NF1: variants seen among roughly 807,000 people sequenced by gnomAD.
The protein encoded by NF1 is neurofibromin 1.
In NF1, 122 loss-of-function variants were observed where a neutral mutation model predicts 325.7. The ratio of observed to expected loss-of-function variants is 0.37; its 90% CI spans 0.32 to 0.44. NF1 has a LOEUF of 0.44. NF1 is among the 20% of genes least tolerant of loss of function. NF1 has a pLI of 1.00. For missense variants in NF1, 2,140 were observed against 3,415.4 expected, an observed-to-expected ratio of 0.63 and a Z score of 9.31; for synonymous variants, 1,091 against 1,186.0, an observed-to-expected ratio of 0.92 and a Z score of 1.65.
At chr17:31,213,915 C>G (rs2066774172) in intron 12 of NF1, among the ~76,000 whole-genome samples, 1 of 152,116 alleles carries the variant, frequency 6.6e-6, no homozygotes, top group Non-Finnish European at 1.5e-5. Context: ...TTTTACTCTT[C>G]TCTAAAATTG....
At chr17:31,290,551 T>C (rs922415069) in intron 36 of NF1, among the ~76,000 whole-genome samples, 2 of 152,238 alleles carry the variant, frequency 1.3e-5, no homozygotes, top group African/African-American at 2.4e-5. Context: ...CCTAATTTGC[T>C]GAAGTGACAC....
At chr17:31,363,353 T>C (rs569122184) in intron 57 of NF1, among the ~76,000 whole-genome samples, 1 of 152,220 alleles carries the variant, frequency 6.6e-6, no homozygotes, top group East Asian at 1.9e-4. Flanking sequence ...TAACTCTTAA[T>C]GGTAAGAGTT....
chr17:31,126,874 A>AT (rs1567801433), intron 1 of NF1, among the ~76,000 whole-genome samples: 1 of 152,144 alleles, frequency 6.6e-6, no homozygotes, highest in Non-Finnish European at 1.5e-5. Context: ...ATGTTTTAAA[A>AT]TTTTTTTGTG....
rs60376313 is a variant in NF1, at chr17:31,236,606, AT to A, written c.3974+601del. On this transcript the variant is annotated intron_variant, in intron 29 of 57. Transcript: ENST00000358273. ...AGGTGTGCGCCACCACGCCCAGGTA[AT>A]TTTTTTTTTTTTTTTGTATTTTTAA... is the stretch of plus-strand genomic sequence containing the variant. Among the ~76,000 whole-genome samples the A allele has an allele frequency of 0.12, 16,499 of 138,796 alleles. 2,480 individuals carry two copies. Among genetic ancestry groups the A allele is most frequent in the African/African-American group, 0.37 (14,027 of 37,716 alleles). The allele number at this position is 138,796 out of a possible 152,430, so 91.1% of individuals were successfully genotyped here. A position where few individuals can be genotyped will look rare whatever the true frequency, so the allele number is the denominator to read the frequency against.
chr17:31,147,760 G>T (rs1405558599), intron 1 of NF1, among the ~76,000 whole-genome samples: 1 of 152,188 alleles, frequency 6.6e-6, no homozygotes, highest in Non-Finnish European at 1.5e-5. Context: ...AGCAGATTCT[G>T]AACTCTTTTG....
intron 48 of NF1, among the ~76,000 whole-genome samples, chr17:31,348,242 T>C (rs2070046569): frequency 8.3e-6 from 1 of 120,958 alleles, no homozygotes; most frequent in East Asian, 2.2e-4. Context: ...AAGAGGAAAG[T>C]ATGTGATTTT....
In NF1 at chr17:31,230,163, T is replaced by C. The variant is rs17886161; in HGVS notation, c.2991-97T>C. On this transcript the variant is annotated intron_variant, in intron 22 of 57. Coordinates refer to ENST00000358273, the MANE Select transcript of NF1 (RefSeq NM_001042492.3). ...ATAAATATCTTATTGTTTTCAAACTTACATTTAATTCGTTTTACTTGATGA... is the reference window on the plus strand; with the variant it reads ...ATAAATATCTTATTGTTTTCAAACTCACATTTAATTCGTTTTACTTGATGA... 1.9e-3 allele frequency: 2,817 copies of C among 1,469,618 alleles called. 25 individuals carry two copies. The African/African-American group carries it at 0.024, about 12-fold the overall frequency. The allele number at this position is 1,469,618 out of a possible 1,614,324, so 91.0% of individuals were successfully genotyped here.
chr17:31,277,651 T>A (rs1389798526), intron 36 of NF1, among the ~76,000 whole-genome samples: 1 of 151,940 alleles, frequency 6.6e-6, no homozygotes, highest in African/African-American at 2.4e-5. Context: ...AGCGGAAGAT[T>A]AGGGAGAAGA....
At chr17:31,116,163 G>A (rs2143337069) in intron 1 of NF1, among the ~76,000 whole-genome samples, 1 of 152,216 alleles carries the variant, frequency 6.6e-6, no homozygotes, top group Admixed American at 6.5e-5. Flanking sequence ...TGGGTTGTAT[G>A]GTTGAAAACT....
At chr17:31,167,876 T>C (rs2065870841) in intron 4 of NF1, among the ~76,000 whole-genome samples, 1 of 152,210 alleles carries the variant, frequency 6.6e-6, no homozygotes, top group African/African-American at 2.4e-5. Context: ...GATATTCCTG[T>C]CCTTATAAGC....
chr17:31,099,652 T>A (rs1468314691), intron 1 of NF1, among the ~76,000 whole-genome samples: 1 of 150,794 alleles, frequency 6.6e-6, no homozygotes, highest in Non-Finnish European at 1.5e-5. Context: ...CTCTGCCTCC[T>A]GGGTTCAAGC....
At chr17:31,138,251 T>C (rs1270130394) in intron 1 of NF1, 1 of 152,162 alleles carries the variant, frequency 6.6e-6, no homozygotes, top group Non-Finnish European at 1.5e-5. Flanking sequence ...TCCAACTCTT[T>C]AATGTTTTCT....
chr17:31,211,194 C>G (rs2066722250), intron 12 of NF1, among the ~76,000 whole-genome samples: 1 of 152,174 alleles, frequency 6.6e-6, no homozygotes, highest in South Asian at 2.1e-4. Context: ...GGCCAGATCA[C>G]ATGTACCAGC....
chr17:31,151,442 C>A (rs117571663), intron 1 of NF1, among the ~76,000 whole-genome samples: 1 of 152,134 alleles, frequency 6.6e-6, no homozygotes, highest in South Asian at 2.1e-4. Context: ...TCTAGTATAT[C>A]CTCCAGGAAA....
At chr17:31,259,439 TA>T (rs1234013475) in intron 33 of NF1, among the ~76,000 whole-genome samples, 1 of 152,174 alleles carries the variant, frequency 6.6e-6, no homozygotes, top group African/African-American at 2.4e-5. Context: ...TCTTTTTATT[TA>T]AAACTAAAAC....
intron 1 of NF1, among the ~76,000 whole-genome samples, chr17:31,155,426 T>C (rs1204372501): frequency 6.6e-6 from 1 of 152,124 alleles, no homozygotes; most frequent in Non-Finnish European, 1.5e-5. Flanking sequence ...ACTGAGTGAG[T>C]CTTACTGTTT....
chr17:31,185,699 A>G, intron 8 of NF1, among the ~76,000 whole-genome samples: 1 of 152,194 alleles, frequency 6.6e-6, no homozygotes, highest in East Asian at 1.9e-4. Context: ...CCATTTATCC[A>G]GTGACCCAAA....
intron 4 of NF1, 90 bp from the exon 5 acceptor site, chr17:31,169,801 C>G: frequency 3.4e-6 from 3 of 894,188 alleles, no homozygotes; most frequent in South Asian, 1.4e-5. Context: ...CTGCCTTGGC[C>G]TCCTGAAGTG....
In NF1 at chr17:31,162,410, G is replaced by A. The variant is rs190060094; in HGVS notation, c.289-776G>A. On this transcript the variant is annotated intron_variant, in intron 3 of 57. Transcript: ENST00000358273. The stretch of plus-strand genomic sequence containing the variant: ...GAGAATTGCTTTAACCCTGGAGGTG[G>A]AAGTTGCAGTGAGCTGAGATTGCGC... Among the ~76,000 whole-genome samples the A allele has an allele frequency of 2.0e-5, 3 of 152,350 alleles. No individual in the cohort carries two copies. In the East Asian group the frequency reaches 5.8e-4, roughly 29 times the overall value.
Sources: gnomAD v4.1 joint callset for allele counts (sites outside exome capture counted in the v4.1 genomes callset) on GRCh38, gnomAD v4.1.1 for gene constraint, MANE v1.5 for transcripts, NCBI Gene and HGNC (gene_info 2026-07-23, HGNC 2026-07-21) for gene names.